The following CCNH variants were observed in gnomAD, a reference collection of about 807,000 sequenced individuals.
CCNH encodes cyclin-H.
Under a neutral mutation model 41.9 loss-of-function variants are expected in CCNH, and 31 were observed. The observed-to-expected ratio is 0.74, with a 90% CI of 0.56 to 1.00. The LOEUF is 1.00. Among genes scored for constraint, CCNH ranks in the 50% least tolerant of loss-of-function variants. The pLI is 0.00. For missense variants in CCNH, 362 were observed against 388.4 expected, an observed-to-expected ratio of 0.93 and a Z score of 0.57; for synonymous variants, 138 against 136.1, an observed-to-expected ratio of 1.01 and a Z score of -0.10.
At chr5:87,397,947 C>T (rs1430129796) in intron 7 of CCNH, among the ~76,000 whole-genome samples, 1 of 151,606 alleles carries the variant, frequency 6.6e-6, no homozygotes, top group African/African-American at 2.4e-5. Flanking sequence ...TTCCAAGAAA[C>T]TGTGTTCTAA....
At chr5:87,394,155 A>T (rs529453074), downstream of CCNH, 233 of 754,820 alleles carry the variant, frequency 3.1e-4, no homozygotes, top group South Asian at 1.1e-3. Flanking sequence ...TGCCTTTTTT[A>T]AAAAAAGCAT....
At chr5:87,382,554 G>A (rs1471152568) in intron 9 of CCNH, among the ~76,000 whole-genome samples, 1 of 152,120 alleles carries the variant, frequency 6.6e-6, no homozygotes, top group African/African-American at 2.4e-5. Context: ...AATTATTAGT[G>A]TGGATTCTTC....
upstream of CCNH, among the ~76,000 whole-genome samples, chr5:87,380,989 T>C (rs1161360572): frequency 1.3e-5 from 2 of 152,232 alleles, no homozygotes; most frequent in East Asian, 3.8e-4. Flanking sequence ...TCTGTGACTC[T>C]GAGCTAATCA....
intron 9 of CCNH, among the ~76,000 whole-genome samples, chr5:87,334,863 G>A (rs1700517052): frequency 6.6e-6 from 1 of 151,962 alleles, no homozygotes; most frequent in Admixed American, 6.5e-5. Context: ...GAAAAGCAGT[G>A]AGTTGAGAGC....
intron 9 of CCNH, chr5:87,366,416 AAG>A (rs1417248154): frequency 2.6e-6 from 1 of 380,180 alleles, no homozygotes; most frequent in African/African-American, 2.1e-5. Context: ...TTGATGGTAA[AAG>A]AGAAAGAATT....
At chr5:87,338,536 A>ATATATATATATATATTTTTTTTT in intron 9 of CCNH, among the ~76,000 whole-genome samples, 1 of 85,222 alleles carries the variant, frequency 1.2e-5, no homozygotes, top group Non-Finnish European at 2.3e-5. Context: ...TATATATAAA[A>ATATATATATATATATTTTTTTTT]TTTTTTTTTT....
intron 9 of CCNH, among the ~76,000 whole-genome samples, chr5:87,352,690 GTT>G (rs1055259056): frequency 6.6e-6 from 1 of 151,118 alleles, no homozygotes; most frequent in Non-Finnish European, 1.5e-5. Context: ...CTTTTCATGT[GTT>G]TTATGACCTG....
upstream of CCNH, chr5:87,377,183 C>T (rs1456653585): frequency 2.8e-6 from 3 of 1,075,678 alleles, no homozygotes; most frequent in African/African-American, 4.7e-5. Context: ...TTAAAAATTG[C>T]AGTTGGATGT....
In CCNH at chr5:87,331,425, T is replaced by C. The variant is rs182498192; in HGVS notation, c.*91-12528A>G. 5.9e-5 allele frequency: 95 copies of C among 1,613,888 alleles called. No homozygotes were observed. The Admixed American group carries it at 1.5e-3, about 26-fold the overall frequency. On this transcript the variant is annotated intron_variant and NMD_transcript_variant, in intron 9 of 9. Transcript: ENST00000645953. ...GCAGGGAAGTCTGGCAGTTATCTTA[T>C]AAGAGAGAGTGATCGGAGGCCAGGG...
intron 7 of CCNH, among the ~76,000 whole-genome samples, chr5:87,396,739 T>TG (rs1351821194): frequency 2.6e-5 from 4 of 151,924 alleles, no homozygotes; most frequent in African/African-American, 9.7e-5. Flanking sequence ...ATCAAGAAAA[T>TG]GCAAATTAAA....
chr5:87,405,278 C>T (rs1022704183), intron 4 of CCNH, among the ~76,000 whole-genome samples: 1 of 152,170 alleles, frequency 6.6e-6, no homozygotes, highest in African/African-American at 2.4e-5. Flanking sequence ...AAATGCTTCT[C>T]TCAGGCAACC....
intron 9 of CCNH, among the ~76,000 whole-genome samples, chr5:87,382,858 G>A (rs1258095950): frequency 2.6e-5 from 4 of 151,884 alleles, no homozygotes; most frequent in South Asian, 2.1e-4. Flanking sequence ...AAGACAGGAG[G>A]ATTGCTTGAG....
At chr5:87,319,950 G>A (rs1228179099) in intron 9 of CCNH, among the ~76,000 whole-genome samples, 5 of 152,098 alleles carry the variant, frequency 3.3e-5, no homozygotes, top group Non-Finnish European at 7.4e-5. Context: ...TATACTTTTA[G>A]AAAAATACCA....
intron 9 of CCNH, among the ~76,000 whole-genome samples, chr5:87,361,947 A>C (rs564585020): frequency 2.0e-5 from 3 of 152,320 alleles, no homozygotes; most frequent in Admixed American, 2.0e-4. Flanking sequence ...GAGTTGAAGC[A>C]TGGGAATGTT....
chr5:87,362,551 G>A lies in CCNH; in HGVS notation c.*90+30219C>T, dbSNP rs2112456336. On this transcript the variant is annotated intron_variant and NMD_transcript_variant, in intron 9 of 9. Coordinates refer to the CCNH transcript ENST00000645953. Reference sequence around the variant, plus strand: ...AATTTTAATGTTTTTTAAAATTCAGGATCAAGAACAAGTACTCAATGACAC... The same window carrying A: ...AATTTTAATGTTTTTTAAAATTCAGAATCAAGAACAAGTACTCAATGACAC... The A allele has an allele frequency of 6.3e-7, 1 of 1,588,998 alleles. No homozygotes were observed. Among genetic ancestry groups the A allele is most frequent in the Non-Finnish European group, 8.6e-7 (1 of 1,158,008 alleles).
intron 9 of CCNH, among the ~76,000 whole-genome samples, chr5:87,360,838 G>A (rs1036410355): frequency 2.6e-5 from 4 of 151,956 alleles, no homozygotes; most frequent in Non-Finnish European, 5.9e-5. Flanking sequence ...CTTTGCATTC[G>A]TTTTCTGATT....
intron 4 of CCNH, among the ~76,000 whole-genome samples, chr5:87,405,912 A>G (rs1306072213): frequency 1.3e-5 from 2 of 152,016 alleles, no homozygotes; most frequent in African/African-American, 2.4e-5. Context: ...AGAAAACCAT[A>G]CAAGCAGAAG....
At chr5:87,316,648 C>T (rs1756363494), downstream of CCNH, among the ~76,000 whole-genome samples, 2 of 152,138 alleles carry the variant, frequency 1.3e-5, no homozygotes, top group African/African-American at 4.8e-5. Flanking sequence ...CATGGTCCTT[C>T]CTGTATCTGT....
At chr5:87,366,518 C>G in intron 9 of CCNH, 1 of 201,928 alleles carries the variant, frequency 5.0e-6, no homozygotes, top group Non-Finnish European at 1.1e-5. Context: ...AAAGGAGTTT[C>G]TGTCTGGTAG....
Sources: gnomAD v4.1 joint callset for allele counts (sites outside exome capture counted in the v4.1 genomes callset) on GRCh38, gnomAD v4.1.1 for gene constraint, MANE v1.5 for transcripts, NCBI Gene and HGNC (gene_info 2026-07-23, HGNC 2026-07-21) for gene names.